PAG1: variants seen among roughly 807,000 people sequenced by gnomAD.
PAG1 encodes phosphoprotein membrane anchor with glycosphingolipid microdomains 1, also known as phosphoprotein associated with glycosphingolipid-enriched microdomains 1.
In PAG1, 23 loss-of-function variants were observed where a neutral mutation model predicts 31.7. The observed-to-expected ratio is 0.73, with a 90% confidence interval of 0.52 to 1.03. PAG1 has a LOEUF of 1.03. Among genes scored for constraint, PAG1 ranks in the 50% least tolerant of loss-of-function variants. PAG1 has a pLI of 0.00. For synonymous variants in PAG1, 214 were observed against 210.3 expected (o/e 1.02, Z -0.15); for missense variants, 473 against 540.7 (o/e 0.87, Z 1.24).
At chr8:80,980,557 C>T (rs374291437) in intron 7 of PAG1, 63 bp from the exon 8 acceptor site, 18 of 1,027,120 alleles carry the variant, frequency 1.8e-5, no homozygotes, top group Admixed American at 5.6e-5. Context: ...CTTTCTTTTG[C>T]ACATGTTTCC....
At chr8:81,032,903 A>G (rs1310590038) in intron 2 of PAG1, among the ~76,000 whole-genome samples, 2 of 152,232 alleles carry the variant, frequency 1.3e-5, no homozygotes, top group South Asian at 2.1e-4. Flanking sequence ...AGAATAAAAT[A>G]CTGGTACATG....
chr8:80,985,366 C>T lies in PAG1; in HGVS notation c.286G>A (p.Asp96Asn). The change falls in exon 7 of 9, where the codon GAC becomes AAC. Residue 96 changes from aspartate (D) to asparagine (N), a missense_variant. Transcript: ENST00000220597. ...ALTNGDILSE[D>N]STLTCMQHYE... ...TGCTGCATGCAGGTCAGAGTACTGT[C>T]CTCTGAAAGAACTAAAGCAGCACAC... 6.2e-7 allele frequency: 1 copy of T among 1,611,500 alleles called. No individual in the cohort carries two copies. Among genetic ancestry groups the T allele is most frequent in the Non-Finnish European group, 8.5e-7 (1 of 1,178,250 alleles).
chr8:81,028,050 C>T (rs1016720806), intron 3 of PAG1, among the ~76,000 whole-genome samples: 3 of 152,180 alleles, frequency 2.0e-5, no homozygotes, highest in Non-Finnish European at 4.4e-5. Flanking sequence ...CTAGCTCACA[C>T]TGTCTGTGAA....
At chr8:80,982,703 C>G (rs970559197) in intron 7 of PAG1, among the ~76,000 whole-genome samples, 6 of 152,188 alleles carry the variant, frequency 3.9e-5, no homozygotes, top group African/African-American at 1.4e-4. Flanking sequence ...GTTCTCCCCC[C>G]AAAACCTGCT....
chr8:81,081,079 C>T (rs946757171), intron 1 of PAG1, among the ~76,000 whole-genome samples: 2 of 152,222 alleles, frequency 1.3e-5, no homozygotes, highest in Admixed American at 6.5e-5. Flanking sequence ...CACCTCCCTG[C>T]GTCTCAGTGT....
intron 1 of PAG1, among the ~76,000 whole-genome samples, chr8:81,081,212 T>A (rs11984576): frequency 0.088 from 12,862 of 145,590 alleles, 1,827 homozygotes; most frequent in African/African-American, 0.3. Flanking sequence ...CCAAACAAAT[T>A]AAAAAAAAAA....
At chr8:81,096,833 G>A (rs1425534632) in intron 1 of PAG1, among the ~76,000 whole-genome samples, 2 of 152,224 alleles carry the variant, frequency 1.3e-5, no homozygotes, top group African/African-American at 4.8e-5. Context: ...ATGGTTTCTG[G>A]CCTGCTGGGG....
chr8:81,018,443 T>C (rs1243500990), intron 3 of PAG1, among the ~76,000 whole-genome samples: 2 of 152,244 alleles, frequency 1.3e-5, no homozygotes, highest in South Asian at 2.1e-4. Context: ...GTGACTCACA[T>C]GGCAATATGG....
intron 1 of PAG1, among the ~76,000 whole-genome samples, chr8:81,090,830 G>A (rs191326065): frequency 1.3e-5 from 2 of 148,604 alleles, no homozygotes; most frequent in African/African-American, 2.6e-5. Flanking sequence ...GGGTCTGATC[G>A]CAAAAGACTC....
intron 1 of PAG1, among the ~76,000 whole-genome samples, chr8:81,097,332 G>T (rs1809543962): frequency 6.6e-6 from 1 of 152,188 alleles, no homozygotes; most frequent in Non-Finnish European, 1.5e-5. Flanking sequence ...GTGGAATGGG[G>T]TGCGGCAGCA....
At chr8:80,982,340 G>A (rs1481497666) in intron 7 of PAG1, among the ~76,000 whole-genome samples, 6 of 151,800 alleles carry the variant, frequency 4.0e-5, no homozygotes, top group African/African-American at 7.3e-5. Flanking sequence ...TGACCTACCC[G>A]CTGCATTTGG....
At chr8:81,026,565 T>C (rs1012472545) in intron 3 of PAG1, among the ~76,000 whole-genome samples, 9 of 151,572 alleles carry the variant, frequency 5.9e-5, no homozygotes, top group Admixed American at 2.6e-4. Flanking sequence ...GCCTGCAGGC[T>C]CTCCCAGCTT....
chr8:80,984,681 T>A (rs1464246376), intron 7 of PAG1, 95 bp downstream of exon 7: 4 of 1,165,842 alleles, frequency 3.4e-6, no homozygotes, highest in Non-Finnish European at 4.9e-6. Flanking sequence ...AACTGGAAAG[T>A]GTTTGCAGAT....
intron 3 of PAG1, among the ~76,000 whole-genome samples, chr8:81,002,616 T>G (rs1807806803): frequency 6.6e-6 from 1 of 152,232 alleles, no homozygotes; most frequent in East Asian, 1.9e-4. Context: ...TTAGATGTAC[T>G]GCCATCGTAA....
At chr8:81,000,694 G>C (rs1301676298) in intron 3 of PAG1, among the ~76,000 whole-genome samples, 1 of 152,074 alleles carries the variant, frequency 6.6e-6, no homozygotes, top group Non-Finnish European at 1.5e-5. Flanking sequence ...TGCCAGCCTA[G>C]GCCTCCCAAA....
At chr8:81,073,414 C>T (rs1809125477) in intron 1 of PAG1, among the ~76,000 whole-genome samples, 1 of 152,126 alleles carries the variant, frequency 6.6e-6, no homozygotes, top group Non-Finnish European at 1.5e-5. Flanking sequence ...TGGTCCTTTC[C>T]CCTCCTGATC....
intron 2 of PAG1, among the ~76,000 whole-genome samples, chr8:81,038,072 C>G (rs1195340617): frequency 6.6e-6 from 1 of 152,238 alleles, no homozygotes; most frequent in African/African-American, 2.4e-5. Flanking sequence ...AAACAGTTCT[C>G]TGACTTCTAA....
intron 2 of PAG1, among the ~76,000 whole-genome samples, chr8:81,033,685 A>G (rs1383837909): frequency 6.6e-6 from 1 of 152,226 alleles, no homozygotes; most frequent in African/African-American, 2.4e-5. Context: ...GACATTCATA[A>G]GAAGGCCCAA....
At chr8:81,077,056 T>C (rs759104742) in intron 1 of PAG1, among the ~76,000 whole-genome samples, 1 of 152,222 alleles carries the variant, frequency 6.6e-6, no homozygotes, top group Non-Finnish European at 1.5e-5. Flanking sequence ...GTAGAGTTAA[T>C]GGAAGCTTGA....
Sources: allele counts gnomAD v4.1 joint callset (sites outside exome capture counted in the v4.1 genomes callset), GRCh38; gene constraint gnomAD v4.1.1; transcripts MANE v1.5; gene names NCBI Gene and HGNC (gene_info 2026-07-23, HGNC 2026-07-21).